Variants in ST3GAL1 observed in about 807,000 individuals in gnomAD.
ST3GAL1 encodes ST3 beta-galactoside alpha-2,3-sialyltransferase 1.
A neutral mutation model predicts 34.1 loss-of-function variants in ST3GAL1; 16 were observed. The observed-to-expected ratio is 0.47, with a 90% confidence interval of 0.32 to 0.71. The LOEUF is 0.71. Among genes scored for constraint, ST3GAL1 ranks in the 30% least tolerant of loss-of-function variants. The pLI is 0.04. For missense variants in ST3GAL1, 353 were observed against 447.4 expected (o/e 0.79, Z 1.90); for synonymous variants, 191 against 184.7 (o/e 1.03, Z -0.28).
intron 2 of ST3GAL1, among the ~76,000 whole-genome samples, chr8:133,517,176 G>A (rs1165440889): frequency 6.6e-6 from 1 of 152,114 alleles, no homozygotes; most frequent in East Asian, 1.9e-4. Context: ...CATGGATGAG[G>A]GCCAGCAAGC....
At chr8:133,480,624 C>T (rs906984443) in intron 3 of ST3GAL1, among the ~76,000 whole-genome samples, 2 of 152,182 alleles carry the variant, frequency 1.3e-5, no homozygotes, top group Admixed American at 6.5e-5. Flanking sequence ...GTAACCCTTA[C>T]GCTTGTCTCC....
At chr8:133,511,631 C>T (rs577442778) in intron 2 of ST3GAL1, among the ~76,000 whole-genome samples, 9 of 152,300 alleles carry the variant, frequency 5.9e-5, no homozygotes, top group Admixed American at 3.3e-4. Flanking sequence ...GCCAACGTGC[C>T]ACACCAACAG....
At chr8:133,561,691 G>A (rs1314165545) in intron 1 of ST3GAL1, among the ~76,000 whole-genome samples, 2 of 152,120 alleles carry the variant, frequency 1.3e-5, no homozygotes, top group Admixed American at 6.5e-5. Context: ...GAGGGAGCAC[G>A]GGGGTGAGGT....
chr8:133,564,419 G>A (rs1314574530), intron 1 of ST3GAL1, among the ~76,000 whole-genome samples: 2 of 151,922 alleles, frequency 1.3e-5, no homozygotes, highest in South Asian at 2.1e-4. Flanking sequence ...TTTGTGGAAC[G>A]AAGTGTTGCT....
chr8:133,567,943 G>A (rs116623362), intron 1 of ST3GAL1, among the ~76,000 whole-genome samples: 201 of 142,630 alleles, frequency 1.4e-3, no homozygotes, highest in African/African-American at 5.1e-3. Flanking sequence ...TTTTTTTTGA[G>A]ACAGTCTCAC....
At chr8:133,532,524 C>T (rs999489160) in intron 2 of ST3GAL1, among the ~76,000 whole-genome samples, 1 of 151,904 alleles carries the variant, frequency 6.6e-6, no homozygotes, top group Non-Finnish European at 1.5e-5. Context: ...AAATGAAGTA[C>T]TAAATAAATA....
At chr8:133,540,968 CATATATATGCAGACATATATATAGACAT>C (rs1563734327) in intron 2 of ST3GAL1, among the ~76,000 whole-genome samples, 8 of 117,694 alleles carry the variant, frequency 6.8e-5, no homozygotes, top group South Asian at 2.7e-4. Flanking sequence ...TATATATAGA[CATATATATGCAGACATATATATAGACAT>C]ATATATATAG....
At chr8:133,496,994 C>A (rs1270222330) in intron 3 of ST3GAL1, among the ~76,000 whole-genome samples, 1 of 152,212 alleles carries the variant, frequency 6.6e-6, no homozygotes, top group Non-Finnish European at 1.5e-5. Flanking sequence ...CACACCCAGC[C>A]CCATGAACTG....
intron 7 of ST3GAL1, among the ~76,000 whole-genome samples, chr8:133,464,126 G>A (rs922077254): frequency 6.6e-6 from 1 of 152,212 alleles, no homozygotes; most frequent in African/African-American, 2.4e-5. Context: ...TTCAGTAAGG[G>A]TCAGATGACA....
chr8:133,554,241 A>G (rs1818942137), intron 1 of ST3GAL1, among the ~76,000 whole-genome samples: 1 of 152,144 alleles, frequency 6.6e-6, no homozygotes, highest in Non-Finnish European at 1.5e-5. Flanking sequence ...CACCTGCCCA[A>G]AGTCACCAGG....
In ST3GAL1 at chr8:133,475,817, G is replaced by C; in HGVS notation, c.208C>G (p.Leu70Val). ...TCTHCIGQRK[L>V]SAWFDERFNQ... ...AACCTCTCATCGAACCAGGCCGAGA[G>C]CTTGCGCTGCCCGATGCAGTGGGTG... The change falls in exon 5 of 10, where the codon CTC becomes GTC. Residue 70 changes from leucine (L) to valine (V), a missense_variant. Physicochemically the swap from Leu to Val is conservative, Grantham distance 32. Coordinates refer to ENST00000522652, the MANE Select transcript of ST3GAL1 (RefSeq NM_173344.3). 1 of 1,614,152 alleles carries C rather than the reference G, an allele frequency of 6.2e-7. No homozygotes were observed. Among genetic ancestry groups the C allele is most frequent in the Non-Finnish European group, 8.5e-7 (1 of 1,180,042 alleles).
At chr8:133,464,660 G>A in intron 7 of ST3GAL1, 118 bp downstream of exon 7, 5 of 1,120,288 alleles carry the variant, frequency 4.5e-6, no homozygotes, top group Non-Finnish European at 1.3e-6. Flanking sequence ...GTGTGCCGGA[G>A]GAGGCTGGGG....
intron 2 of ST3GAL1, among the ~76,000 whole-genome samples, chr8:133,517,635 C>T (rs1468081221): frequency 6.6e-6 from 1 of 152,254 alleles, no homozygotes; most frequent in Non-Finnish European, 1.5e-5. Flanking sequence ...CAGGCATGAG[C>T]CAACGCGCCC....
At chr8:133,493,907 G>T (rs1041709100) in intron 3 of ST3GAL1, among the ~76,000 whole-genome samples, 3 of 151,340 alleles carry the variant, frequency 2.0e-5, no homozygotes, top group Non-Finnish European at 4.4e-5. Context: ...GCCTCTCTGG[G>T]GTTCTGACTC....
rs144035798 is a variant in ST3GAL1 at position 133,483,199 on chromosome 8, G to A, written c.-373-6599C>T. Among the ~76,000 whole-genome samples, 826 of 152,244 alleles carry A rather than the reference G, an allele frequency of 5.4e-3. 8 individuals are homozygous for A. Among genetic ancestry groups the A allele is most frequent in the African/African-American group, 0.019 (786 of 41,532 alleles). ...TCTACTAAAAATACAAAAATTAGCC[G>A]GGTGTGGTGGCAGGCACCTGTAATC... On this transcript the variant is annotated intron_variant, in intron 3 of 9. Transcript: ENST00000522652.
chr8:133,547,821 G>T (rs1295155479), intron 1 of ST3GAL1, among the ~76,000 whole-genome samples: 6 of 152,198 alleles, frequency 3.9e-5, no homozygotes, highest in African/African-American at 1.4e-4. Context: ...AAACTTGTGT[G>T]TTAGGAAGAA....
At chr8:133,489,920 A>G (rs1816736320) in intron 3 of ST3GAL1, among the ~76,000 whole-genome samples, 1 of 151,980 alleles carries the variant, frequency 6.6e-6, no homozygotes, top group Non-Finnish European at 1.5e-5. Flanking sequence ...TGCAGACAAA[A>G]GCCCATGGAA....
intron 5 of ST3GAL1, among the ~76,000 whole-genome samples, chr8:133,474,194 T>C (rs1473289836): frequency 1.3e-5 from 2 of 152,172 alleles, no homozygotes; most frequent in Non-Finnish European, 2.9e-5. Context: ...ATCACTCCTG[T>C]AGGAAGCCTT....
At chr8:133,525,586 G>C (rs944378532) in intron 2 of ST3GAL1, among the ~76,000 whole-genome samples, 2 of 152,062 alleles carry the variant, frequency 1.3e-5, no homozygotes, top group African/African-American at 4.8e-5. Flanking sequence ...CCATCAACAT[G>C]GCATCCACAG....
Sources: gnomAD v4.1 joint callset for allele counts (sites outside exome capture counted in the v4.1 genomes callset) on GRCh38, gnomAD v4.1.1 for gene constraint, MANE v1.5 for transcripts, NCBI Gene and HGNC (gene_info 2026-07-23, HGNC 2026-07-21) for gene names.